The following NGLY1 variants were observed in gnomAD, a reference collection of about 807,000 sequenced individuals.
NGLY1 encodes peptide-N(4)-(N-acetyl-beta-glucosaminyl)asparagine amidase.
In NGLY1, 68 loss-of-function variants were observed where a neutral mutation model predicts 84.6. The ratio of observed to expected loss-of-function variants is 0.80; its 90% CI spans 0.66 to 0.98. NGLY1 has a LOEUF of 0.98. Ranked by LOEUF, NGLY1 falls within the 50% of genes least tolerant of loss-of-function variation. The pLI, the probability that NGLY1 is intolerant of heterozygous loss-of-function variation, is 0.00. For missense variants in NGLY1, 779 were observed against 770.2 expected (o/e 1.01, Z -0.14); for synonymous variants, 280 against 275.2 (o/e 1.02, Z -0.17).
At position 25,720,007 on chromosome 3, in the gene NGLY1, T is replaced by A; in HGVS notation, c.1789+7A>T. ...TTTCGTGATTAATTCTCCAGGCAAATGCTTACCGCCTGTCAGTTCTACTTG... is the reference window on the plus strand; with the variant it reads ...TTTCGTGATTAATTCTCCAGGCAAAAGCTTACCGCCTGTCAGTTCTACTTG... On this transcript the variant is annotated splice_region_variant and intron_variant, in intron 11 of 11. Transcript: ENST00000280700. 6.2e-7 allele frequency: 1 copy of A among 1,604,476 alleles called. No homozygotes were observed. Among genetic ancestry groups the A allele is most frequent in the Non-Finnish European group, 8.5e-7 (1 of 1,173,610 alleles).
At chr3:25,766,554 T>C (rs972310997) in intron 2 of NGLY1, among the ~76,000 whole-genome samples, 9 of 152,286 alleles carry the variant, frequency 5.9e-5, no homozygotes, top group Non-Finnish European at 8.8e-5. Context: ...CGGAGAACAT[T>C]TGTACAACTG....
rs867152390 is a variant in NGLY1, at chr3:25,789,789, T to C, written c.5+72A>G. 3.8e-5 allele frequency: 57 copies of C among 1,494,338 alleles called. No individual in the cohort carries two copies. The Middle Eastern group carries it at 1.5e-3, about 40-fold the overall frequency. 92.6% of individuals were successfully genotyped at this position (1,494,338 alleles called of 1,614,324 possible). A position where few individuals can be genotyped will look rare whatever the true frequency, so the allele number is the denominator to read the frequency against. Reference sequence around the variant, plus strand: ...CAGTAGAATACGATGGTGTCCCTTCTCCGACAAAAGGGAATATTTGGGCAT... The same window carrying C: ...CAGTAGAATACGATGGTGTCCCTTCCCCGACAAAAGGGAATATTTGGGCAT... On this transcript the variant is annotated intron_variant, in intron 1 of 11. Transcript: ENST00000417874.
In NGLY1 at chr3:25,751,166, C is replaced by A; in HGVS notation, c.590G>T (p.Cys197Phe). The A allele has an allele frequency of 1.2e-6, 2 of 1,613,686 alleles. No homozygotes were observed. Among genetic ancestry groups the A allele is most frequent in the Non-Finnish European group, 1.7e-6 (2 of 1,179,848 alleles). The change falls in exon 4 of 12, where the codon TGT becomes TTT. Residue 197 changes from cysteine to phenylalanine, a missense_variant. Cys to Phe is a radical substitution (Grantham distance 205, BLOSUM62 -2). Coordinates refer to ENST00000280700, the MANE Select transcript of NGLY1 (RefSeq NM_018297.4). ...CCTTTTTAGTTCTTGGACCGGAATA[C>A]AAGCCAACGCTTTCTCCTGAAGAGC... ...NPALQEKALA[C>F]IPVQELKRKS...
chr3:25,783,287 A>T lies in NGLY1; in HGVS notation c.104T>A (p.Leu35Gln), dbSNP rs769627540. ...GAGGATGTTGTCAGCATAGGTGAGC[A>T]GCAGCTTGGAGGCCTCCAAAAAGGT... ...PETFLEASKLLLTYADNILRN... is the reference protein window; with the variant it reads ...PETFLEASKLQLTYADNILRN... The change falls in exon 1 of 12, where the codon CTG (leucine) becomes CAG (glutamine). Residue 35 changes from leucine to glutamine, a missense_variant. Leu to Gln is a moderately radical substitution (Grantham distance 113). Coordinates refer to ENST00000280700, the MANE Select transcript of NGLY1 (RefSeq NM_018297.4). This position sits in a 1 kb window ranked among gnomAD's most constrained non-coding sequence, Gnocchi z 4.5. 6.8e-6 allele frequency: 11 copies of T among 1,607,338 alleles called. No individual in the cohort carries two copies. The highest frequency in any genetic ancestry group is 1.3e-5 in the African/African-American group (1 of 74,132).
At chr3:25,774,669 A>C (rs1708070370) in intron 2 of NGLY1, among the ~76,000 whole-genome samples, 1 of 152,150 alleles carries the variant, frequency 6.6e-6, no homozygotes. Flanking sequence ...GTTTATATCC[A>C]GGCAGTGTAC....
At position 25,729,308 on chromosome 3, in the gene NGLY1, G is replaced by A. The variant is rs564037973; in HGVS notation, c.1436C>T (p.Thr479Ile). 431 of 1,387,128 alleles carry A rather than the reference G, an allele frequency of 3.1e-4. 6 individuals carry two copies. In the South Asian group the frequency reaches 7.7e-3, roughly 25 times the overall value. 85.9% of individuals were successfully genotyped at this position (1,387,128 alleles called of 1,614,324 possible). A position where few individuals can be genotyped will look rare whatever the true frequency, so the allele number is the denominator to read the frequency against. Reference protein sequence around the residue: ...RGEMGLQRKETLFIPCENEKI... With the variant: ...RGEMGLQRKEILFIPCENEKI... ...CTCATTTTCACAGGGAATAAACAAG[G>A]TTTCTTTTCTCTTAAAAAGAAAGCA... is the stretch of plus-strand genomic sequence containing the variant. The change falls in exon 10 of 12, where the codon ACC becomes ATC. Residue 479 changes from threonine (T) to isoleucine (I), a missense_variant. Physicochemically the swap from Thr to Ile is moderately conservative, Grantham distance 89. Transcript: ENST00000280700.
Position 25,783,091 on chromosome 3 carries a change from G to T in NGLY1, c.131+169C>A. 1.7e-6 allele frequency: 1 copy of T among 594,860 alleles called. No individual in the cohort carries two copies. Among genetic ancestry groups the T allele is most frequent in the Non-Finnish European group, 2.9e-6 (1 of 346,704 alleles). 36.8% of individuals were successfully genotyped at this position (594,860 alleles called of 1,614,324 possible). A position where few individuals can be genotyped will look rare whatever the true frequency, so the allele number is the denominator to read the frequency against. Reference sequence around the variant, plus strand: ...GGGTGGGACTTGGCCGGGTCCCGAGGCCCCTGGCCGGCGGGCTCGGACGTT... The same window carrying T: ...GGGTGGGACTTGGCCGGGTCCCGAGTCCCCTGGCCGGCGGGCTCGGACGTT... On this transcript the variant is annotated intron_variant, in intron 1 of 11. Coordinates refer to ENST00000280700, the MANE Select transcript of NGLY1 (RefSeq NM_018297.4). This position sits in a 1 kb window ranked among gnomAD's most constrained non-coding sequence, Gnocchi z 4.5.
chr3:25,722,758 C>T (rs149044923), intron 10 of NGLY1, among the ~76,000 whole-genome samples: 141 of 152,252 alleles, frequency 9.3e-4, no homozygotes, highest in African/African-American at 1.1e-3. Context: ...CTCTTACAGC[C>T]GCTTGTAAGG....
Position 25,725,646 on chromosome 3 carries a change from T to C in NGLY1, c.1611+3487A>G, listed in dbSNP as rs562428933. On this transcript the variant is annotated intron_variant, in intron 10 of 11. Transcript: ENST00000280700. ...TAGAATTGATTGGATTAGAGGTCAC[T>C]CAGCTGGTTCTGCTGCAGAATTGCT... Among the ~76,000 whole-genome samples the C allele has an allele frequency of 7.2e-5, 11 of 152,280 alleles. No individual in the cohort carries two copies. In the East Asian group the frequency reaches 2.1e-3, roughly 29 times the overall value.
chr3:25,765,845 T>G (rs1232101422), intron 2 of NGLY1, among the ~76,000 whole-genome samples: 1 of 152,020 alleles, frequency 6.6e-6, no homozygotes, highest in African/African-American at 2.4e-5. Flanking sequence ...CGATCTTCCA[T>G]CCTCAGCCTC....
In NGLY1 at chr3:25,733,923, A is replaced by C; in HGVS notation, c.1209T>G (p.Thr403=). 1 of 1,613,880 alleles carries C rather than the reference A, an allele frequency of 6.2e-7. No homozygotes were observed. Among genetic ancestry groups the C allele is most frequent in the Non-Finnish European group, 8.5e-7 (1 of 1,179,878 alleles). The change falls in exon 8 of 12, where the codon ACT becomes ACG. Residue 403 remains threonine (T), a synonymous_variant. Transcript: ENST00000280700. ...CKHEEVIARR[T]KVKEALLRDT... ...CTCGAAGTAATGCTTCTTTAACCTT[A>C]GTTCTTCTGGCAATCACCTCTTCAT... is the stretch of plus-strand genomic sequence containing the variant.
At chr3:25,755,415 CAGTGT>C in intron 3 of NGLY1, 5 of 1,445,074 alleles carry the variant, frequency 3.5e-6, no homozygotes, top group African/African-American at 1.4e-5. Context: ...ACCCCACAAA[CAGTGT>C]CTGTCCCAAA....
intron 10 of NGLY1, among the ~76,000 whole-genome samples, chr3:25,728,581 A>C (rs1246914489): frequency 6.6e-6 from 1 of 152,128 alleles, no homozygotes; most frequent in Non-Finnish European, 1.5e-5. Context: ...GTATAAATGA[A>C]CTGCTATAGT....
intron 1 of NGLY1, among the ~76,000 whole-genome samples, chr3:25,781,299 T>TC (rs1048404044): frequency 6.6e-6 from 1 of 152,140 alleles, no homozygotes; most frequent in African/African-American, 2.4e-5. Context: ...AATCTATTTT[T>TC]CTCAGTAAAA....
chr3:25,732,567 T>A (rs2125466580), intron 8 of NGLY1, 84 bp from the exon 9 acceptor site: 1 of 956,928 alleles, frequency 1.0e-6, no homozygotes, highest in Middle Eastern at 3.3e-4. Flanking sequence ...CTTAAAACAC[T>A]TGCATTTTAA....
chr3:25,759,576 A>G (rs1173986775), intron 3 of NGLY1, among the ~76,000 whole-genome samples: 1 of 152,146 alleles, frequency 6.6e-6, no homozygotes, highest in Non-Finnish European at 1.5e-5. Flanking sequence ...TTACATATTC[A>G]TTGGCACAAC....
At chr3:25,769,593 A>G (rs1444276174) in intron 2 of NGLY1, among the ~76,000 whole-genome samples, 1 of 152,154 alleles carries the variant, frequency 6.6e-6, no homozygotes, top group Non-Finnish European at 1.5e-5. Flanking sequence ...ATACATTCCT[A>G]GTGGGTATAC....
intron 2 of NGLY1, 120 bp downstream of exon 2, chr3:25,778,454 T>A: frequency 1.9e-6 from 1 of 518,938 alleles, no homozygotes; most frequent in East Asian, 3.2e-5. Context: ...AATAACTACT[T>A]CTACTGATTC....
At chr3:25,741,562 C>G (rs567361557) in intron 4 of NGLY1, among the ~76,000 whole-genome samples, 1 of 151,974 alleles carries the variant, frequency 6.6e-6, no homozygotes, top group African/African-American at 2.4e-5. Context: ...AGGTCTTAGG[C>G]AAGCAAGATA....
Sources: allele counts gnomAD v4.1 joint callset (sites outside exome capture counted in the v4.1 genomes callset), GRCh38; gene constraint gnomAD v4.1.1; non-coding constraint Gnocchi (gnomAD v3.1); transcripts MANE v1.5; gene names NCBI Gene and HGNC (gene_info 2026-07-23, HGNC 2026-07-21).